Variants in ENPP2 observed in about 807,000 individuals in gnomAD.
ENPP2 encodes the protein ectonucleotide pyrophosphatase/phosphodiesterase 2, also known as autotaxin.
Under a neutral mutation model 120.2 loss-of-function variants are expected in ENPP2, and 51 were observed. That is an observed-to-expected ratio of 0.42 (90% CI 0.34 to 0.54). The LOEUF is 0.54. Ranked by LOEUF, ENPP2 falls within the 20% of genes least tolerant of loss-of-function variation. The pLI is 0.04. For missense variants in ENPP2, 920 were observed against 1,066.5 expected (o/e 0.86, Z 1.91); for synonymous variants, 365 against 366.4 (o/e 1.00, Z 0.04).
At chr8:119,596,919 C>T (rs544487640) in intron 11 of ENPP2, among the ~76,000 whole-genome samples, 124 of 151,856 alleles carry the variant, frequency 8.2e-4, no homozygotes, top group South Asian at 1.5e-3. Context: ...AAAAACAGGC[C>T]CCTGATTTGC....
chr8:119,656,296 T>C (rs981350102), intron 1 of ENPP2, among the ~76,000 whole-genome samples: 1 of 152,190 alleles, frequency 6.6e-6, no homozygotes, highest in African/African-American at 2.4e-5. Context: ...GACAATGGCC[T>C]GGTTGTTTCT....
chr8:119,580,228 T>C, intron 18 of ENPP2, 61 bp from the exon 19 acceptor site: 1 of 1,324,570 alleles, frequency 7.5e-7, no homozygotes, highest in East Asian at 2.3e-5. Context: ...TCTTTCCCTC[T>C]GTGCCCTTCT....
intron 1 of ENPP2, among the ~76,000 whole-genome samples, chr8:119,646,111 G>A (rs979201444): frequency 1.3e-5 from 2 of 151,868 alleles, no homozygotes; most frequent in Non-Finnish European, 2.9e-5. Context: ...TGGGATTACA[G>A]GCATGTGTCA....
chr8:119,660,834 C>A (rs185589709), intron 1 of ENPP2, among the ~76,000 whole-genome samples: 1 of 152,112 alleles, frequency 6.6e-6, no homozygotes, highest in African/African-American at 2.4e-5. Context: ...TGTATGGAAA[C>A]AAATTGGGTA....
intron 1 of ENPP2, among the ~76,000 whole-genome samples, chr8:119,649,158 C>T (rs912830115): frequency 2.0e-5 from 3 of 149,950 alleles, no homozygotes; most frequent in Non-Finnish European, 3.0e-5. Flanking sequence ...ATTTGGGAGG[C>T]GGAGGTGGGC....
At chr8:119,584,628 T>A (rs1812981530) in intron 15 of ENPP2, among the ~76,000 whole-genome samples, 1 of 152,184 alleles carries the variant, frequency 6.6e-6, no homozygotes, top group African/African-American at 2.4e-5. Flanking sequence ...AGCAGCCAAC[T>A]TAACAGTAAT....
intron 11 of ENPP2, chr8:119,595,896 CTTCTTCTT>C: frequency 6.2e-7 from 1 of 1,613,996 alleles, no homozygotes; most frequent in Middle Eastern, 1.7e-4. Context: ...ATGTATTTTT[CTTCTTCTT>C]TTCTTTGGAG....
intron 19 of ENPP2, among the ~76,000 whole-genome samples, chr8:119,572,423 G>A (rs1016274222): frequency 1.3e-5 from 2 of 152,044 alleles, no homozygotes; most frequent in African/African-American, 4.8e-5. Context: ...CCCCTCCCTA[G>A]AGCAACCACC....
At chr8:119,661,082 C>T (rs560385246) in intron 1 of ENPP2, among the ~76,000 whole-genome samples, 13 of 152,128 alleles carry the variant, frequency 8.5e-5, no homozygotes, top group African/African-American at 1.7e-4. Context: ...AACCAAACAC[C>T]GCATGTTCTC....
intron 3 of ENPP2, among the ~76,000 whole-genome samples, chr8:119,623,665 G>T (rs987636940): frequency 6.6e-6 from 1 of 151,838 alleles, no homozygotes; most frequent in Non-Finnish European, 1.5e-5. Flanking sequence ...TCACTCTGTC[G>T]CCTGGGCTAG....
chr8:119,563,786 A>C (rs1382814653), intron 23 of ENPP2, among the ~76,000 whole-genome samples: 4 of 152,112 alleles, frequency 2.6e-5, no homozygotes, highest in Admixed American at 1.3e-4. Flanking sequence ...CAATTTACAC[A>C]AAATTTCTCT....
At chr8:119,596,072 AC>A (rs1248539570) in intron 11 of ENPP2, 1 of 1,448,814 alleles carries the variant, frequency 6.9e-7, no homozygotes, top group Non-Finnish European at 9.5e-7. Context: ...TAAAGCTTAC[AC>A]TTTCCCATCT....
At chr8:119,572,435 A>C (rs1587353572) in intron 19 of ENPP2, among the ~76,000 whole-genome samples, 2 of 152,120 alleles carry the variant, frequency 1.3e-5, no homozygotes. Context: ...GCAACCACCA[A>C]ACAAAAATCT....
intron 1 of ENPP2, among the ~76,000 whole-genome samples, chr8:119,654,429 A>C (rs928961495): frequency 3.5e-4 from 51 of 145,794 alleles, no homozygotes; most frequent in African/African-American, 1.2e-3. Flanking sequence ...AAATATTTAT[A>C]GTATAAATTT....
chr8:119,599,985 T>C (rs1024935089), intron 11 of ENPP2, among the ~76,000 whole-genome samples: 7 of 138,244 alleles, frequency 5.1e-5, no homozygotes, highest in Non-Finnish European at 1.1e-4. Context: ...CCAGCCTAGG[T>C]GACGGAGCAA....
At chr8:119,624,064 G>A (rs973579289) in intron 3 of ENPP2, among the ~76,000 whole-genome samples, 5 of 152,114 alleles carry the variant, frequency 3.3e-5, no homozygotes, top group African/African-American at 1.2e-4. Flanking sequence ...ATATTGTGGG[G>A]TTTTTTCAAT....
At position 119,583,727 on chromosome 8, in the gene ENPP2, A is replaced by G; in HGVS notation, c.1533T>C (p.Asn511=). 1 of 1,561,874 alleles carries G rather than the reference A, an allele frequency of 6.4e-7. No individual in the cohort carries two copies. The highest frequency in any genetic ancestry group is 8.8e-7 in the Non-Finnish European group (1 of 1,133,628). The part of the protein sequence containing the change: ...VPPFENIELY[N]VMCDLLGLKP... Reference sequence around the variant, plus strand: ...AAATGAGTGACTTACCACACATAACATTGTAAAGTTCAATGTTTTCAAATG... The same window carrying G: ...AAATGAGTGACTTACCACACATAACGTTGTAAAGTTCAATGTTTTCAAATG... The change falls in exon 17 of 25, where the codon AAT becomes AAC. Residue 511 remains asparagine (N), a synonymous_variant. Transcript: ENST00000075322.
intron 13 of ENPP2, among the ~76,000 whole-genome samples, chr8:119,589,324 G>A (rs144711948): frequency 5.9e-5 from 9 of 152,204 alleles, no homozygotes; most frequent in African/African-American, 2.2e-4. Context: ...CCATGCTACT[G>A]TCTCCCACAA....
chr8:119,606,606 TAAA>T (rs1001820171), intron 9 of ENPP2, among the ~76,000 whole-genome samples: 1 of 140,084 alleles, frequency 7.1e-6, no homozygotes. Context: ...GAAACCTCTT[TAAA>T]AAAAAAAAAA....
Sources: allele counts gnomAD v4.1 joint callset (sites outside exome capture counted in the v4.1 genomes callset), GRCh38; gene constraint gnomAD v4.1.1; transcripts MANE v1.5; gene names NCBI Gene and HGNC (gene_info 2026-07-23, HGNC 2026-07-21).